TMEM114: variants seen among roughly 807,000 people sequenced by gnomAD.
The protein encoded by TMEM114 is claudin-26.
A neutral mutation model predicts 6.2 loss-of-function variants in TMEM114; 6 were observed. The observed-to-expected ratio is 0.97, with a 90% CI of 0.53 to 1.91. TMEM114 has a LOEUF of 1.91. Among genes scored for constraint, TMEM114 ranks in the 40% most tolerant of loss-of-function variants. The probability of loss-of-function intolerance (pLI) is 0.01; values close to 1 mark genes in which losing one functional copy is unlikely to be tolerated. For missense variants in TMEM114, 218 were observed against 158.3 expected (o/e 1.38, Z -2.02); for synonymous variants, 104 against 73.0 (o/e 1.42, Z -2.16).
At chr16:8,539,636 T>C (rs1265841929) in intron 2 of TMEM114, among the ~76,000 whole-genome samples, 1 of 152,178 alleles carries the variant, frequency 6.6e-6, no homozygotes, top group Middle Eastern at 3.2e-3. Context: ...GGAAGCACTC[T>C]GCGTGCAACT....
the TMEM114 span, among the ~76,000 whole-genome samples, chr16:8,528,305 T>C: frequency 6.6e-6 from 1 of 152,142 alleles, no homozygotes; most frequent in African/African-American, 2.4e-5. Context: ...TAAGTTCTGA[T>C]AAAGGAGGAA....
chr16:8,579,160 C>G (rs1902046278), intron 2 of TMEM114, among the ~76,000 whole-genome samples: 1 of 152,144 alleles, frequency 6.6e-6, no homozygotes, highest in African/African-American at 2.4e-5. Flanking sequence ...TTTGTGACTG[C>G]TTCATTATCA....
intron 2 of TMEM114, among the ~76,000 whole-genome samples, chr16:8,558,795 C>G (rs180956195): frequency 1.3e-5 from 2 of 151,576 alleles, no homozygotes; most frequent in African/African-American, 4.8e-5. Flanking sequence ...GGCTGGAGTG[C>G]AATGGCATGA....
chr16:8,576,837 G>C (rs1260246137), intron 2 of TMEM114, among the ~76,000 whole-genome samples: 1 of 152,148 alleles, frequency 6.6e-6, no homozygotes. Flanking sequence ...GTACAAAGTT[G>C]GATCAGACAT....
chr16:8,585,384 G>A (rs1227975803), intron 2 of TMEM114, among the ~76,000 whole-genome samples: 2 of 152,088 alleles, frequency 1.3e-5, no homozygotes, highest in African/African-American at 4.8e-5. Flanking sequence ...ACTTGGCACT[G>A]AAGTGGTCTC....
At chr16:8,576,871 T>C (rs1381945979) in intron 2 of TMEM114, among the ~76,000 whole-genome samples, 1 of 152,208 alleles carries the variant, frequency 6.6e-6, no homozygotes, top group African/African-American at 2.4e-5. Context: ...TTGGAACTTA[T>C]AATTCAGAAA....
chr16:8,554,860 G>T (rs1178810671), intron 2 of TMEM114, among the ~76,000 whole-genome samples: 2 of 152,208 alleles, frequency 1.3e-5, no homozygotes, highest in Non-Finnish European at 2.9e-5. Context: ...GGAAGTTGAG[G>T]GACGAAGAGC....
At chr16:8,528,928 C>A in the TMEM114 span, among the ~76,000 whole-genome samples, 1 of 152,266 alleles carries the variant, frequency 6.6e-6, no homozygotes, top group African/African-American at 2.4e-5. Context: ...TGTTTGCCAT[C>A]CTCCTGGAAA....
At chr16:8,582,249 C>G (rs1380027547) in intron 2 of TMEM114, among the ~76,000 whole-genome samples, 1 of 152,126 alleles carries the variant, frequency 6.6e-6, no homozygotes, top group East Asian at 1.9e-4. Flanking sequence ...CCAGCCTGGC[C>G]TCTCTTATGG....
intron 2 of TMEM114, among the ~76,000 whole-genome samples, chr16:8,576,999 C>T (rs1901960703): frequency 6.6e-6 from 1 of 152,186 alleles, no homozygotes; most frequent in Non-Finnish European, 1.5e-5. Flanking sequence ...GATCATAGAC[C>T]TTCCATTTGA....
At chr16:8,529,240 G>A in the TMEM114 span, among the ~76,000 whole-genome samples, 2 of 152,192 alleles carry the variant, frequency 1.3e-5, no homozygotes, top group Non-Finnish European at 2.9e-5. Context: ...TTCCACTCAA[G>A]GCTAGGATTA....
chr16:8,539,222 G>C (rs1477145455), intron 2 of TMEM114, among the ~76,000 whole-genome samples: 1 of 152,102 alleles, frequency 6.6e-6, no homozygotes, highest in Non-Finnish European at 1.5e-5. Context: ...TGGGCCAACT[G>C]CCCTCAGGGT....
intron 2 of TMEM114, among the ~76,000 whole-genome samples, chr16:8,588,048 G>A (rs911896564): frequency 1.3e-5 from 2 of 152,132 alleles, no homozygotes; most frequent in South Asian, 2.1e-4. Flanking sequence ...CACTTTGGAA[G>A]GCTGAGATGG....
At chr16:8,532,960 T>C (rs1900259275), downstream of TMEM114, among the ~76,000 whole-genome samples, 1 of 152,110 alleles carries the variant, frequency 6.6e-6, no homozygotes, top group Non-Finnish European at 1.5e-5. Flanking sequence ...GAAATATTCA[T>C]TCATTCAACA....
downstream of TMEM114, among the ~76,000 whole-genome samples, chr16:8,565,513 C>T (rs377249768): frequency 2.0e-5 from 3 of 152,254 alleles, no homozygotes; most frequent in African/African-American, 4.8e-5. Flanking sequence ...GGACACGCGC[C>T]GTAGTCCCAC....
intron 2 of TMEM114, among the ~76,000 whole-genome samples, chr16:8,550,978 A>G (rs1900825668): frequency 6.6e-6 from 1 of 152,236 alleles, no homozygotes; most frequent in African/African-American, 2.4e-5. Context: ...AGAACTACAA[A>G]GATGAATGAT....
Position 8,551,414 on chromosome 16 carries a change from C to T in TMEM114, n.213-13588G>A, listed in dbSNP as rs1181193423. Among the ~76,000 whole-genome samples, 12 of 152,196 alleles carry T rather than the reference C, an allele frequency of 7.9e-5. No homozygotes were observed. The East Asian group carries it at 2.3e-3, about 29-fold the overall frequency. Reference sequence around the variant, plus strand: ...AGCCTACACTGTGTAGCCTTCTCTACACTGTTATAGTTAAAAATAATATTT... The same window carrying T: ...AGCCTACACTGTGTAGCCTTCTCTATACTGTTATAGTTAAAAATAATATTT... On this transcript the variant is annotated intron_variant and non_coding_transcript_variant, in intron 2 of 2. Transcript: ENST00000623677.
intron 2 of TMEM114, among the ~76,000 whole-genome samples, chr16:8,540,033 G>C (rs948886933): frequency 6.6e-6 from 1 of 152,098 alleles, no homozygotes; most frequent in African/African-American, 2.4e-5. Flanking sequence ...GACCAGGCTG[G>C]TCTTGAACTC....
intron 2 of TMEM114, among the ~76,000 whole-genome samples, chr16:8,553,472 C>T (rs1900907798): frequency 6.7e-6 from 1 of 149,092 alleles, no homozygotes; most frequent in African/African-American, 2.5e-5. Flanking sequence ...TCTAGGCTCA[C>T]TGCAGTCTCA....
Sources: allele counts gnomAD v4.1 joint callset (sites outside exome capture counted in the v4.1 genomes callset), GRCh38; gene constraint gnomAD v4.1.1; transcripts MANE v1.5; gene names NCBI Gene and HGNC (gene_info 2026-07-23, HGNC 2026-07-21).